ZNF454: variants seen among roughly 807,000 people sequenced by gnomAD.
ZNF454 encodes the protein zinc finger protein 454.
A neutral mutation model predicts 48.2 loss-of-function variants in ZNF454; 30 were observed. That is an observed-to-expected ratio of 0.62 (90% confidence interval 0.47 to 0.84). The LOEUF is 0.84. Ranked by LOEUF, ZNF454 falls within the 40% of genes least tolerant of loss-of-function variation. ZNF454 has a pLI of 0.00. For missense variants in ZNF454, 510 were observed against 623.1 expected (o/e 0.82, Z 1.93); for synonymous variants, 204 against 211.4 (o/e 0.97, Z 0.30).
intron 4 of ZNF454, among the ~76,000 whole-genome samples, chr5:178,962,071 G>A (rs1004717249): frequency 6.6e-6 from 1 of 151,508 alleles, no homozygotes; most frequent in Non-Finnish European, 1.5e-5. Context: ...AGATCTGCTG[G>A]TGACACCATC....
chr5:178,964,701 G>A lies in ZNF454; in HGVS notation c.297G>A (p.Glu99=). Residue 99 remains glutamate (E), a synonymous_variant, in exon 5 of 5, where the codon GAG becomes GAA. Coordinates refer to ENST00000519564, the MANE Select transcript of ZNF454 (RefSeq NM_001178089.3). ...PASKKSTVKA[E]IPEEELDQWT... is the part of the protein sequence containing the mutation. ...GTAAGAAATCTACTGTCAAGGCAGA[G>A]ATTCCTGAAGAAGAATTGGATCAAT... The A allele has an allele frequency of 6.2e-7, 1 of 1,614,232 alleles. No homozygotes were observed. The highest frequency in any genetic ancestry group is 8.5e-7 in the Non-Finnish European group (1 of 1,180,032).
At chr5:178,985,486 G>A in the ZNF454 span, 11,382 of 341,214 alleles carry the variant, frequency 0.033, 245 homozygotes, top group Non-Finnish European at 0.047. Context: ...GGCGGATCAC[G>A]AGGTCAGGAG....
At chr5:178,981,039 G>C in the ZNF454 span, 2 of 154,802 alleles carry the variant, frequency 1.3e-5, no homozygotes, top group South Asian at 4.1e-4. The surrounding 1 kb of genome is among the most constrained non-coding windows in gnomAD (Gnocchi z 5.1). Context: ...CATGGCATTG[G>C]GAATCTCATG....
chr5:178,945,414 G>A (rs868061735), intron 2 of ZNF454, among the ~76,000 whole-genome samples: 9 of 149,560 alleles, frequency 6.0e-5, no homozygotes, highest in Admixed American at 2.0e-4. Flanking sequence ...TGAGGGGTAC[G>A]GATATGGGTG....
chr5:178,954,794 T>C (rs1759685476), intron 4 of ZNF454, among the ~76,000 whole-genome samples: 1 of 152,226 alleles, frequency 6.6e-6, no homozygotes, highest in Non-Finnish European at 1.5e-5. Flanking sequence ...CAGGATTTCA[T>C]GTGAATGGAG....
At chr5:178,942,904 T>G in intron 2 of ZNF454, 80 bp downstream of exon 2, 2 of 1,515,616 alleles carry the variant, frequency 1.3e-6, no homozygotes, top group Non-Finnish European at 9.0e-7. Context: ...ACCGGGAGCT[T>G]TATTCCCAAT....
chr5:178,987,300 C>T, the ZNF454 span: 1 of 530,136 alleles, frequency 1.9e-6, no homozygotes, highest in African/African-American at 1.9e-5. Context: ...CCCAGCAGTT[C>T]CACTCCCGGG....
chr5:178,957,872 A>G (rs778975237), intron 4 of ZNF454, among the ~76,000 whole-genome samples: 3 of 152,202 alleles, frequency 2.0e-5, no homozygotes, highest in Non-Finnish European at 4.4e-5. Context: ...CTATTTGAAG[A>G]TGAGTGTTAT....
At chr5:178,977,962 T>G in the ZNF454 span, among the ~76,000 whole-genome samples, 2 of 152,246 alleles carry the variant, frequency 1.3e-5, no homozygotes, top group Non-Finnish European at 2.9e-5. Context: ...GTCAGTTTCT[T>G]CTTATCAGAG....
chr5:178,949,462 G>C (rs1759471872), intron 4 of ZNF454, among the ~76,000 whole-genome samples: 1 of 151,884 alleles, frequency 6.6e-6, no homozygotes, highest in Admixed American at 6.6e-5. Flanking sequence ...TTTGTTTTTT[G>C]TCCACTGGGA....
intron 4 of ZNF454, among the ~76,000 whole-genome samples, chr5:178,958,438 A>G (rs976419559): frequency 6.6e-6 from 1 of 152,196 alleles, no homozygotes; most frequent in Non-Finnish European, 1.5e-5. Context: ...GTTCATTCTC[A>G]TTGCTATATA....
intron 4 of ZNF454, among the ~76,000 whole-genome samples, chr5:178,951,578 T>A (rs1001501846): frequency 2.0e-5 from 3 of 152,244 alleles, no homozygotes; most frequent in Non-Finnish European, 2.9e-5. Flanking sequence ...TACAACTGGC[T>A]TTTTTCAGAT....
chr5:178,986,723 G>A, the ZNF454 span: 2 of 1,605,170 alleles, frequency 1.2e-6, no homozygotes, highest in Non-Finnish European at 1.7e-6. Flanking sequence ...GGCACCTCGT[G>A]GGGGTCGCCA....
At chr5:178,977,666 T>C in the ZNF454 span, among the ~76,000 whole-genome samples, 1 of 151,122 alleles carries the variant, frequency 6.6e-6, no homozygotes, top group East Asian at 1.9e-4. Context: ...GCCTCCCGGG[T>C]TCAAGCGATT....
At chr5:178,973,821 C>G in the ZNF454 span, among the ~76,000 whole-genome samples, 2 of 132,176 alleles carry the variant, frequency 1.5e-5, no homozygotes, top group African/African-American at 5.8e-5. Flanking sequence ...CCAGCCTGGG[C>G]GACAGAGCAA....
the ZNF454 span, chr5:178,979,861 A>G: frequency 3.2e-5 from 5 of 154,350 alleles, no homozygotes; most frequent in African/African-American, 4.8e-5. Context: ...AGAGCCCTAT[A>G]CAATCACGAG....
rs1274751408 is a variant in ZNF454 at position 178,941,358 on chromosome 5, G to C, written c.-194G>C. Reference sequence around the variant, plus strand: ...GCGGGAGCGGTCGTGAGGTCGTCTGGGGAGAAGGGCGGAGGCAAAGCCGAG... The same window carrying C: ...GCGGGAGCGGTCGTGAGGTCGTCTGCGGAGAAGGGCGGAGGCAAAGCCGAG... On this transcript the variant is annotated 5_prime_UTR_variant, in exon 1 of 5. Coordinates refer to ENST00000519564, the MANE Select transcript of ZNF454 (RefSeq NM_001178089.3). The surrounding 1 kb of genome is among the most constrained non-coding windows in gnomAD (Gnocchi z 5.5). 2.2e-6 allele frequency: 1 copy of C among 455,928 alleles called. No individual in the cohort carries two copies. The highest frequency in any genetic ancestry group is 4.4e-6 in the Non-Finnish European group (1 of 226,616). The allele number at this position is 455,928 out of a possible 1,614,324, so 28.2% of individuals were successfully genotyped here.
In ZNF454 at chr5:178,946,813, C is replaced by A; in HGVS notation, c.161-84C>A. ...ATCAAGTCCCATTTCCCAGCAAGCTCTGAGGACCAGGCTTTGTCTTTGCAG... is the reference window on the plus strand; with the variant it reads ...ATCAAGTCCCATTTCCCAGCAAGCTATGAGGACCAGGCTTTGTCTTTGCAG... On this transcript the variant is annotated intron_variant, in intron 3 of 4. Transcript: ENST00000519564. This position sits in a 1 kb window ranked among gnomAD's most constrained non-coding sequence, Gnocchi z 4.5. The A allele has an allele frequency of 7.7e-7, 1 of 1,299,524 alleles. No individual in the cohort carries two copies. The highest frequency in any genetic ancestry group is 1.1e-6 in the Non-Finnish European group (1 of 914,284). The allele number at this position is 1,299,524 out of a possible 1,614,324, so 80.5% of individuals were successfully genotyped here. A position where few individuals can be genotyped will look rare whatever the true frequency, so the allele number is the denominator to read the frequency against.
intron 4 of ZNF454, among the ~76,000 whole-genome samples, chr5:178,959,763 GC>G (rs1488266153): frequency 1.3e-5 from 2 of 151,750 alleles, no homozygotes. Context: ...CCACCACCAC[GC>G]CTGGCTAATT....
Sources: gnomAD v4.1 joint callset for allele counts (sites outside exome capture counted in the v4.1 genomes callset) on GRCh38, gnomAD v4.1.1 for gene constraint, Gnocchi (gnomAD v3.1) non-coding constraint, MANE v1.5 for transcripts, NCBI Gene and HGNC (gene_info 2026-07-23, HGNC 2026-07-21) for gene names.